Variants in ACSL4 observed in about 807,000 individuals in gnomAD.
ACSL4 encodes acyl-CoA synthetase long chain family member 4.
ACSL4 carries 9 observed loss-of-function variants against 49.1 expected under a neutral mutation model. The observed-to-expected ratio is 0.18, with a 90% CI of 0.11 to 0.32. The LOEUF is 0.32. Ranked by LOEUF, ACSL4 falls within the 10% of genes least tolerant of loss-of-function variation. The probability of loss-of-function intolerance (pLI) is 1.00; values close to 1 mark genes in which losing one functional copy is unlikely to be tolerated. For missense variants in ACSL4, 333 were observed against 493.7 expected (o/e 0.67, Z 3.08); for synonymous variants, 191 against 170.3 (o/e 1.12, Z -0.95).
chrX:109,660,977 G>C (rs1922127869), intron 14 of ACSL4, among the ~76,000 whole-genome samples: 2 of 110,902 alleles, frequency 1.8e-5, no homozygotes, highest in Admixed American at 9.6e-5. Flanking sequence ...TTTCCATTTT[G>C]CAAGAAAAAA....
intron 8 of ACSL4, among the ~76,000 whole-genome samples, chrX:109,677,633 T>C (rs1409061349): frequency 1.8e-5 from 2 of 108,835 alleles, no homozygotes; most frequent in African/African-American, 6.7e-5. Flanking sequence ...ACAAAAAAAA[T>C]AGCAGGGCAT....
At chrX:109,733,015 G>C (rs1488833242) in intron 1 of ACSL4, 124 bp downstream of exon 1, 1 of 330,503 alleles carries the variant, frequency 3.0e-6, no homozygotes, top group Admixed American at 3.1e-5. Flanking sequence ...TCCAGGAGCT[G>C]GAATGCCCAC....
chrX:109,648,186 C>G (rs988252461), intron 15 of ACSL4, among the ~76,000 whole-genome samples: 3 of 111,515 alleles, frequency 2.7e-5, no homozygotes, highest in African/African-American at 9.8e-5. Flanking sequence ...AGGCCAGCAT[C>G]ATCCTGATAC....
intron 1 of ACSL4, among the ~76,000 whole-genome samples, chrX:109,710,449 CA>C (rs1209116282): frequency 8.9e-6 from 1 of 112,059 alleles, no homozygotes; most frequent in African/African-American, 3.2e-5. Flanking sequence ...TCAATGATAT[CA>C]AATTACTACA....
At chrX:109,729,078 G>A (rs1387593567) in intron 1 of ACSL4, among the ~76,000 whole-genome samples, 2 of 109,785 alleles carry the variant, frequency 1.8e-5, no homozygotes, top group African/African-American at 6.6e-5. Flanking sequence ...AATTAGCCAG[G>A]TGTGGTGGCG....
chrX:109,720,031 G>C (rs1927426664), intron 1 of ACSL4, among the ~76,000 whole-genome samples: 1 of 109,438 alleles, frequency 9.1e-6, no homozygotes, highest in African/African-American at 3.3e-5. Flanking sequence ...AAAAAAGCTA[G>C]TTTCCTGGCC....
chrX:109,713,657 A>AT (rs1239172621), intron 1 of ACSL4, among the ~76,000 whole-genome samples: 1 of 112,033 alleles, frequency 8.9e-6, no homozygotes, highest in Non-Finnish European at 1.9e-5. Flanking sequence ...CACTGTAATG[A>AT]TAAGAGTGTC....
At chrX:109,731,189 T>C (rs1046785945) in intron 1 of ACSL4, among the ~76,000 whole-genome samples, 1 of 111,296 alleles carries the variant, frequency 9.0e-6, no homozygotes, top group African/African-American at 3.3e-5. Context: ...TCTAGTCAAC[T>C]GGTATAACAG....
At chrX:109,687,581 T>C (rs1924711376) in intron 2 of ACSL4, among the ~76,000 whole-genome samples, 1 of 111,342 alleles carries the variant, frequency 9.0e-6, no homozygotes, top group Admixed American at 9.5e-5. Context: ...TGTCAGGGGA[T>C]GGAGGGCTAG....
At chrX:109,669,539 G>A (rs953169424) in intron 9 of ACSL4, among the ~76,000 whole-genome samples, 16 of 110,197 alleles carry the variant, frequency 1.5e-4, no homozygotes, top group African/African-American at 4.6e-4. Context: ...GACTACAGGC[G>A]CCTGCCACCA....
At chrX:109,645,812 C>A (rs1031034096) in intron 15 of ACSL4, among the ~76,000 whole-genome samples, 7 of 111,871 alleles carry the variant, frequency 6.3e-5, no homozygotes, top group African/African-American at 2.3e-4. Context: ...ATAACCAATA[C>A]AGAGAAGTGC....
At chrX:109,664,979 T>C (rs762363907) in intron 12 of ACSL4, among the ~76,000 whole-genome samples, 5 of 111,668 alleles carry the variant, frequency 4.5e-5, no homozygotes, top group Non-Finnish European at 7.5e-5. Context: ...AATTCAACTA[T>C]ACAAATAGCT....
At chrX:109,686,826 C>T (rs1924647453) in intron 2 of ACSL4, among the ~76,000 whole-genome samples, 2 of 110,171 alleles carry the variant, frequency 1.8e-5, no homozygotes, top group African/African-American at 6.6e-5. Flanking sequence ...GCTCAAAGAA[C>T]ATTCAGGTGA....
At chrX:109,722,517 A>T (rs1415248556) in intron 1 of ACSL4, among the ~76,000 whole-genome samples, 1 of 111,927 alleles carries the variant, frequency 8.9e-6, no homozygotes, top group Non-Finnish European at 1.9e-5. Flanking sequence ...CGCTAAAATC[A>T]AACTCCACCC....
At position 109,663,303 on chromosome X, in the gene ACSL4, G is replaced by T; in HGVS notation, c.1490C>A (p.Ala497Glu). The T allele has an allele frequency of 8.3e-7, 1 of 1,207,628 alleles. No individual in the cohort carries two copies. The change falls in exon 13 of 16, where the codon GCA becomes GAA. Residue 497 changes from alanine to glutamate, a missense_variant. This residue lies in a region of ACSL4 where 175 missense variants were observed against 275.8 expected (regional missense o/e 0.63). Coordinates refer to ENST00000672401, the MANE Select transcript of ACSL4 (RefSeq NM_001318510.2). Reference protein sequence around the residue: ...MGYFKNEEKTAEDYSVDENGQ... With the variant: ...MGYFKNEEKTEEDYSVDENGQ... ...ATTTTCATCCACAGAATAATCTTCT[G>T]CTGTTTTCTCTTCATTTTTAAAATA...
intron 1 of ACSL4, among the ~76,000 whole-genome samples, chrX:109,700,506 C>A (rs1181841635): frequency 1.9e-5 from 2 of 105,497 alleles, no homozygotes; most frequent in Non-Finnish European, 3.9e-5. Flanking sequence ...CACTGCACTC[C>A]AGCCTGGGTG....
Position 109,644,220 on chromosome X carries a change from GA to G in ACSL4, c.1856-35del, listed in dbSNP as rs1177473009. On this transcript the variant is annotated intron_variant, in intron 15 of 15. Transcript: ENST00000672401. Reference sequence around the variant, plus strand: ...AGAAGTGAAAGATGGGAGAAAAGGAGAGGGGGGGAAAGAGACGAGAAAGGAG... The same window carrying G: ...AGAAGTGAAAGATGGGAGAAAAGGAGGGGGGGGAAAGAGACGAGAAAGGAG... 46 of 1,175,454 alleles carry G rather than the reference GA, an allele frequency of 3.9e-5. No individual in the cohort carries two copies. In the East Asian group the frequency reaches 6.9e-4, roughly 18 times the overall value.
chrX:109,654,999 C>T (rs1369265398), intron 15 of ACSL4, among the ~76,000 whole-genome samples: 1 of 111,505 alleles, frequency 9.0e-6, no homozygotes, highest in African/African-American at 3.3e-5. Context: ...CTTTTGGCTA[C>T]CAGAATTCTG....
intron 15 of ACSL4, among the ~76,000 whole-genome samples, chrX:109,652,063 A>G: frequency 9.0e-6 from 1 of 111,721 alleles, no homozygotes; most frequent in Non-Finnish European, 1.9e-5. Flanking sequence ...GGTGGCAGCA[A>G]ATAGCAATTT....
Sources: allele counts gnomAD v4.1 joint callset (sites outside exome capture counted in the v4.1 genomes callset), GRCh38; gene constraint gnomAD v4.1.1; regional missense constraint gnomAD v4.1.1; transcripts MANE v1.5; gene names NCBI Gene and HGNC (gene_info 2026-07-23, HGNC 2026-07-21).